The following CYFIP1 variants were observed in gnomAD, a reference collection of about 807,000 sequenced individuals.
The protein encoded by CYFIP1 is cytoplasmic FMR1-interacting protein 1.
Under a neutral mutation model 163.5 loss-of-function variants are expected in CYFIP1, and 58 were observed. The ratio of observed to expected loss-of-function variants is 0.35; its 90% CI spans 0.29 to 0.44. The LOEUF (loss-of-function observed/expected upper bound fraction) is 0.44. Ranked by LOEUF, CYFIP1 falls within the 20% of genes least tolerant of loss-of-function variation. CYFIP1 has a pLI of 1.00. For missense variants in CYFIP1, 1,338 were observed against 1,653.8 expected, an observed-to-expected ratio of 0.81 and a Z score of 3.31; for synonymous variants, 663 against 660.7, an observed-to-expected ratio of 1.00 and a Z score of -0.05.
chr15:22,925,473 C>T (rs575605832), intron 13 of CYFIP1, among the ~76,000 whole-genome samples: 9 of 152,248 alleles, frequency 5.9e-5, no homozygotes, highest in East Asian at 1.9e-4. Flanking sequence ...AGGTGAATTT[C>T]GCATCTCAGT....
At chr15:22,878,874 C>T (rs1208018754) in intron 26 of CYFIP1, among the ~76,000 whole-genome samples, 4 of 152,114 alleles carry the variant, frequency 2.6e-5, no homozygotes, top group African/African-American at 4.8e-5. Context: ...CAGTGGCTCA[C>T]GCCTGTAATC....
At chr15:22,885,735 AAAAC>A (rs922054111) in intron 23 of CYFIP1, among the ~76,000 whole-genome samples, 53 of 152,232 alleles carry the variant, frequency 3.5e-4, no homozygotes, top group African/African-American at 5.5e-4. Flanking sequence ...TCCATTTCAA[AAAAC>A]AAACAAACAA....
chr15:22,869,827 C>G lies in CYFIP1; in HGVS notation c.*201G>C. The G allele has an allele frequency of 2.3e-6, 1 of 443,134 alleles. No individual in the cohort carries two copies. The highest frequency in any genetic ancestry group is 3.8e-6 in the Non-Finnish European group (1 of 263,332). 27.5% of individuals were successfully genotyped at this position (443,134 alleles called of 1,614,324 possible). A position where few individuals can be genotyped will look rare whatever the true frequency, so the allele number is the denominator to read the frequency against. The stretch of plus-strand genomic sequence containing the variant: ...ATGGCAACAATCAGCAGCCAATATT[C>G]TCAAGAGTTCCTAATTACCAAAAGC... On this transcript the variant is annotated 3_prime_UTR_variant, in exon 31 of 31. Transcript: ENST00000617928.
chr15:22,972,661 A>C (rs1461632405), intron 1 of CYFIP1, among the ~76,000 whole-genome samples: 1 of 152,182 alleles, frequency 6.6e-6, no homozygotes, highest in Non-Finnish European at 1.5e-5. Context: ...CACATACAGA[A>C]AAATAATATC....
chr15:22,952,437 C>T (rs373595953), intron 1 of CYFIP1, among the ~76,000 whole-genome samples: 1 of 151,850 alleles, frequency 6.6e-6, no homozygotes, highest in Non-Finnish European at 1.5e-5. Context: ...GGGCGAATCA[C>T]GAGGTCAGGA....
At chr15:22,959,083 G>C (rs1409260113) in intron 1 of CYFIP1, among the ~76,000 whole-genome samples, 2 of 152,126 alleles carry the variant, frequency 1.3e-5, no homozygotes, top group Non-Finnish European at 2.9e-5. Flanking sequence ...CCCAGGGCTG[G>C]GCTACCAGGC....
chr15:22,973,988 C>T (rs2063186032), intron 1 of CYFIP1, among the ~76,000 whole-genome samples: 1 of 152,190 alleles, frequency 6.6e-6, no homozygotes, highest in Admixed American at 6.5e-5. Flanking sequence ...CACCTCACAC[C>T]TGTCAGACTG....
At chr15:22,930,219 A>C (rs1295787229) in intron 11 of CYFIP1, among the ~76,000 whole-genome samples, 1 of 150,356 alleles carries the variant, frequency 6.7e-6, no homozygotes, top group Non-Finnish European at 1.5e-5. Context: ...CACAAAAAAA[A>C]ACACAAAAAA....
At chr15:22,896,204 GT>G (rs1707668129) in intron 22 of CYFIP1, among the ~76,000 whole-genome samples, 2 of 152,092 alleles carry the variant, frequency 1.3e-5, no homozygotes, top group Admixed American at 1.3e-4. Flanking sequence ...GGAAAACTAA[GT>G]TTCAGCACCA....
At chr15:22,963,436 G>A (rs997398554) in intron 1 of CYFIP1, among the ~76,000 whole-genome samples, 1 of 151,780 alleles carries the variant, frequency 6.6e-6, no homozygotes, top group Admixed American at 6.6e-5. Context: ...GTTGCAGTGA[G>A]CCAAGACTGT....
At chr15:22,878,674 T>TAAA (rs199504341) in intron 26 of CYFIP1, among the ~76,000 whole-genome samples, 1 of 121,722 alleles carries the variant, frequency 8.2e-6, no homozygotes, top group African/African-American at 3.1e-5. Context: ...GATGGTAGAT[T>TAAA]AAAAAAAAAA....
At chr15:22,890,074 G>A in intron 23 of CYFIP1, among the ~76,000 whole-genome samples, 1 of 151,962 alleles carries the variant, frequency 6.6e-6, no homozygotes, top group Admixed American at 6.6e-5. Context: ...GGCCAAGGTG[G>A]GCGGATCATT....
intron 30 of CYFIP1, among the ~76,000 whole-genome samples, chr15:22,872,470 T>C (rs1410329102): frequency 6.6e-6 from 1 of 152,132 alleles, no homozygotes; most frequent in East Asian, 1.9e-4. Flanking sequence ...AGAATTCAAC[T>C]ATGAGGGATC....
intron 1 of CYFIP1, among the ~76,000 whole-genome samples, chr15:22,978,432 A>C (rs906812701): frequency 1.3e-5 from 2 of 151,372 alleles, no homozygotes; most frequent in African/African-American, 2.4e-5. Flanking sequence ...GTGTGTACAG[A>C]CTATATATAT....
intron 22 of CYFIP1, among the ~76,000 whole-genome samples, chr15:22,902,766 C>A (rs1307202789): frequency 6.6e-6 from 1 of 152,154 alleles, no homozygotes; most frequent in Non-Finnish European, 1.5e-5. Context: ...CTCAGTGATG[C>A]AACACACCTG....
intron 23 of CYFIP1, among the ~76,000 whole-genome samples, chr15:22,890,966 A>G (rs1395700829): frequency 1.3e-5 from 2 of 152,014 alleles, no homozygotes; most frequent in East Asian, 1.9e-4. Context: ...CAGCCCTGAC[A>G]TTTTTCTCCC....
rs187814733 is a variant in CYFIP1, at chr15:22,929,081, G to A, written c.1111-1053C>T. Among the ~76,000 whole-genome samples, 56 of 151,990 alleles carry A rather than the reference G, an allele frequency of 3.7e-4. 2 individuals carry two copies. The East Asian group carries it at 9.9e-3, about 27-fold the overall frequency. ...CAAAAATATAAAAAAGTAGCTGGGCGTGGTGCTGCATGCCTGTAATCTCAG... is the reference window on the plus strand; with the variant it reads ...CAAAAATATAAAAAAGTAGCTGGGCATGGTGCTGCATGCCTGTAATCTCAG... On this transcript the variant is annotated intron_variant, in intron 11 of 30. Transcript: ENST00000617928.
At chr15:22,890,933 C>A (rs1371084582) in intron 23 of CYFIP1, among the ~76,000 whole-genome samples, 1 of 152,148 alleles carries the variant, frequency 6.6e-6, no homozygotes, top group Non-Finnish European at 1.5e-5. Flanking sequence ...GCGACCCTGG[C>A]CCTCATGTGT....
intron 11 of CYFIP1, among the ~76,000 whole-genome samples, chr15:22,930,429 A>G: frequency 6.6e-6 from 1 of 151,792 alleles, no homozygotes; most frequent in Non-Finnish European, 1.5e-5. Context: ...TCCGAAAAAA[A>G]CTGATTTGTT....
Sources: allele counts gnomAD v4.1 joint callset (sites outside exome capture counted in the v4.1 genomes callset), GRCh38; gene constraint gnomAD v4.1.1; transcripts MANE v1.5; gene names NCBI Gene and HGNC (gene_info 2026-07-23, HGNC 2026-07-21).